Variants in KCNQ3 observed in about 807,000 individuals in gnomAD.
The protein encoded by KCNQ3 is potassium voltage-gated channel subfamily KQT member 3.
In KCNQ3, 30 loss-of-function variants were observed where a neutral mutation model predicts 92.5. The observed-to-expected ratio is 0.32, with a 90% CI of 0.24 to 0.44. The LOEUF is 0.44. Ranked by LOEUF, KCNQ3 falls within the 20% of genes least tolerant of loss-of-function variation. The probability of loss-of-function intolerance (pLI) is 1.00; values close to 1 mark genes in which losing one functional copy is unlikely to be tolerated. For missense variants in KCNQ3, 913 were observed against 1,140.3 expected (o/e 0.80, Z 2.87); for synonymous variants, 450 against 468.8 (o/e 0.96, Z 0.52).
chr8:132,298,952 C>G lies in KCNQ3; in HGVS notation c.387-112771G>C, dbSNP rs533700220. Among the ~76,000 whole-genome samples the G allele has an allele frequency of 1.9e-3, 290 of 152,122 alleles. 1 individual carries two copies. Among genetic ancestry groups the G allele is most frequent in the African/African-American group, 6.8e-3 (283 of 41,528 alleles). On this transcript the variant is annotated intron_variant, in intron 1 of 14. Coordinates refer to ENST00000388996, the MANE Select transcript of KCNQ3 (RefSeq NM_004519.4). ...TTACTCACTTAAAAAAAATTACTCA[C>G]TTTTAATTTAATTAAAATTATTTTC...
intron 1 of KCNQ3, among the ~76,000 whole-genome samples, chr8:132,246,217 G>T (rs894101646): frequency 7.2e-5 from 11 of 152,084 alleles, no homozygotes; most frequent in Non-Finnish European, 2.9e-5. Flanking sequence ...GAGCCCTTAG[G>T]CACAGGCAAA....
chr8:132,374,208 A>T (rs990732276), intron 1 of KCNQ3, among the ~76,000 whole-genome samples: 1 of 151,854 alleles, frequency 6.6e-6, no homozygotes, highest in Non-Finnish European at 1.5e-5. Context: ...AAGCCACTTG[A>T]CCTCTCTGAC....
At chr8:132,180,410 T>C (rs111533232) in intron 3 of KCNQ3, 81 bp from the exon 4 acceptor site, 3 of 1,497,776 alleles carry the variant, frequency 2.0e-6, no homozygotes, top group Non-Finnish European at 2.8e-6. Context: ...ATAGGTGCTG[T>C]TTGCTGGCAG....
chr8:132,228,884 T>C (rs1335610487), intron 1 of KCNQ3, among the ~76,000 whole-genome samples: 1 of 152,190 alleles, frequency 6.6e-6, no homozygotes, highest in Non-Finnish European at 1.5e-5. Flanking sequence ...GCATTTATCT[T>C]GCAGATAAGA....
chr8:132,319,556 C>G (rs1817840916), intron 1 of KCNQ3, among the ~76,000 whole-genome samples: 1 of 152,334 alleles, frequency 6.6e-6, no homozygotes, highest in Admixed American at 6.5e-5. Flanking sequence ...CTGAGACAGG[C>G]TGCCCAAGAC....
chr8:132,187,827 GGTGATT>G (rs1477114239), intron 1 of KCNQ3, among the ~76,000 whole-genome samples: 2 of 135,964 alleles, frequency 1.5e-5, no homozygotes, highest in African/African-American at 6.4e-5. Flanking sequence ...TGGTGGTGGT[GGTGATT>G]GTGGTGGTGG....
At chr8:132,456,307 A>G (rs1367775078) in intron 1 of KCNQ3, among the ~76,000 whole-genome samples, 2 of 152,140 alleles carry the variant, frequency 1.3e-5, no homozygotes, top group Admixed American at 6.5e-5. Context: ...AGTCACCGCA[A>G]TATTCCTGGA....
At chr8:132,288,479 T>C (rs1345311920) in intron 1 of KCNQ3, among the ~76,000 whole-genome samples, 1 of 152,186 alleles carries the variant, frequency 6.6e-6, no homozygotes, top group Non-Finnish European at 1.5e-5. Flanking sequence ...CTTCACTAAC[T>C]CCATAAGTCA....
intron 1 of KCNQ3, among the ~76,000 whole-genome samples, chr8:132,459,317 T>C (rs1210249471): frequency 2.0e-5 from 3 of 152,186 alleles, no homozygotes; most frequent in East Asian, 1.9e-4. Context: ...GGGTAACTTA[T>C]AAAGACAAGA....
chr8:132,466,167 T>C (rs1822168096), intron 1 of KCNQ3, among the ~76,000 whole-genome samples: 2 of 152,074 alleles, frequency 1.3e-5, no homozygotes, highest in African/African-American at 4.8e-5. Context: ...ATTTACATAT[T>C]TACAAATACT....
chr8:132,480,225 T>C lies in KCNQ3; in HGVS notation c.308A>G (p.Lys103Arg). 1 of 1,613,376 alleles carries C rather than the reference T, an allele frequency of 6.2e-7. No individual in the cohort carries two copies. Among genetic ancestry groups the C allele is most frequent in the Non-Finnish European group, 8.5e-7 (1 of 1,179,556 alleles). Reference sequence around the variant, plus strand: ...GATCAAAGTTTGGATGCGCCGGTACTTGGCGTTGTTTCTCTTGACTGGGCG... The same window carrying C: ...GATCAAAGTTTGGATGCGCCGGTACCTGGCGTTGTTTCTCTTGACTGGGCG... ...LSRPVKRNNA[K>R]YRRIQTLIYD... Residue 103 changes from lysine (K) to arginine (R), a missense_variant, in exon 1 of 15, where the codon AAG becomes AGG. Coordinates refer to ENST00000388996, the MANE Select transcript of KCNQ3 (RefSeq NM_004519.4).
intron 9 of KCNQ3, among the ~76,000 whole-genome samples, chr8:132,144,107 A>G (rs1825380925): frequency 6.6e-6 from 1 of 152,238 alleles, no homozygotes. Flanking sequence ...TGCTTGTTAG[A>G]TATTTAAATG....
chr8:132,360,428 A>C (rs995374424), intron 1 of KCNQ3, among the ~76,000 whole-genome samples: 1 of 152,280 alleles, frequency 6.6e-6, no homozygotes, highest in Middle Eastern at 3.4e-3. Context: ...TGTGAGCCTC[A>C]TGGGGGCCGA....
chr8:132,357,342 G>A (rs1819044955), intron 1 of KCNQ3, among the ~76,000 whole-genome samples: 1 of 152,230 alleles, frequency 6.6e-6, no homozygotes, highest in African/African-American at 2.4e-5. Context: ...GTCAATGTGA[G>A]GGTGTGCTGT....
intron 1 of KCNQ3, among the ~76,000 whole-genome samples, chr8:132,433,875 G>A (rs942976063): frequency 1.3e-5 from 2 of 149,938 alleles, no homozygotes; most frequent in African/African-American, 4.9e-5. Context: ...GAGTGACAGA[G>A]CAAGACTCCA....
At chr8:132,404,041 G>A (rs1820413830) in intron 1 of KCNQ3, among the ~76,000 whole-genome samples, 1 of 152,128 alleles carries the variant, frequency 6.6e-6, no homozygotes, top group Admixed American at 6.5e-5. Context: ...CATCTCCACA[G>A]ACCAGCCCTT....
At chr8:132,182,063 A>G (rs1826799777) in intron 3 of KCNQ3, among the ~76,000 whole-genome samples, 1 of 145,214 alleles carries the variant, frequency 6.9e-6, no homozygotes. Context: ...AAAAAACCAT[A>G]AAAAACAAAA....
chr8:132,277,983 G>A (rs1003106496), intron 1 of KCNQ3: 1 of 985,248 alleles, frequency 1.0e-6, no homozygotes, highest in Non-Finnish European at 1.2e-6. Context: ...ACCCCCACAG[G>A]ACAGAAGGGA....
intron 1 of KCNQ3, among the ~76,000 whole-genome samples, chr8:132,389,633 T>C (rs1055793272): frequency 6.6e-6 from 1 of 152,178 alleles, no homozygotes; most frequent in Admixed American, 6.5e-5. Flanking sequence ...ACTCACTTCA[T>C]GAAAGAGGAT....
Sources: allele counts gnomAD v4.1 joint callset (sites outside exome capture counted in the v4.1 genomes callset), GRCh38; gene constraint gnomAD v4.1.1; transcripts MANE v1.5; gene names NCBI Gene and HGNC (gene_info 2026-07-23, HGNC 2026-07-21).